ODAD3: variants seen among roughly 807,000 people sequenced by gnomAD.
The protein encoded by ODAD3 is outer dynein arm-docking complex subunit 3.
In ODAD3, 57 loss-of-function variants were observed where a neutral mutation model predicts 70.9. The observed-to-expected ratio is 0.80, with a 90% CI of 0.65 to 1.00. ODAD3 has a LOEUF of 1.00. Ranked by LOEUF, ODAD3 falls within the 50% of genes least tolerant of loss-of-function variation. The pLI, the probability that ODAD3 is intolerant of heterozygous loss-of-function variation, is 0.00. For synonymous variants in ODAD3, 327 were observed against 315.9 expected, an observed-to-expected ratio of 1.04 and a Z score of -0.37; for missense variants, 797 against 763.9, an observed-to-expected ratio of 1.04 and a Z score of -0.51.
chr19:11,422,785 G>C lies in ODAD3; in HGVS notation c.1193C>G (p.Thr398Arg). Residue 398 changes from threonine (T) to arginine (R), a missense_variant, in exon 9 of 13, where the codon ACG becomes AGG. Thr to Arg is a moderately conservative substitution (Grantham distance 71). Transcript: ENST00000356392. The surrounding 1 kb of genome is among the most constrained non-coding windows in gnomAD (Gnocchi z 4.6). ...CTTCTCCTGCTTCAGCCTCACCAAC[G>C]TCTGCTCGTTCTCGCTCTTGAGCGT... ...LETLKSENEQ[T>R]LVRLKQEKQQ... is the part of the protein sequence containing the mutation. The C allele has an allele frequency of 6.2e-7, 1 of 1,611,194 alleles. No homozygotes were observed. Among genetic ancestry groups the C allele is most frequent in the South Asian group, 1.1e-5 (1 of 91,090 alleles).
chr19:11,434,979 G>A lies in ODAD3; in HGVS notation c.38C>T (p.Ala13Val). The change falls in exon 1 of 13, where the codon GCC becomes GTC. Residue 13 changes from alanine to valine, a missense_variant. Physicochemically the swap from Ala to Val is moderately conservative, Grantham distance 64. Transcript: ENST00000356392. ...SPLCRAASAN[A>V]LPPQDQASTP... is the part of the protein sequence containing the mutation. ...CGAAGCCTGGTCCTGAGGAGGCAGG[G>A]CGTTGGCGGAGGCCGCCCTGCACAG... 2 of 1,613,278 alleles carry A rather than the reference G, an allele frequency of 1.2e-6. No homozygotes were observed. Among genetic ancestry groups the A allele is most frequent in the Non-Finnish European group, 1.7e-6 (2 of 1,180,028 alleles).
chr19:11,423,860 C>T lies in ODAD3; in HGVS notation c.1116+17G>A, dbSNP rs747271424. 4 of 1,593,248 alleles carry T rather than the reference C, an allele frequency of 2.5e-6. No individual in the cohort carries two copies. In the South Asian group the frequency reaches 3.3e-5, roughly 13 times the overall value. ...TGGGGGGGGGGCGCGGCGGAGAGGGCTGCGGGCAGAACTCACGTGCGTCTC... is the reference window on the plus strand; with the variant it reads ...TGGGGGGGGGGCGCGGCGGAGAGGGTTGCGGGCAGAACTCACGTGCGTCTC... On this transcript the variant is annotated intron_variant, in intron 8 of 12. Coordinates refer to ENST00000356392, the MANE Select transcript of ODAD3 (RefSeq NM_145045.5).
chr19:11,422,828 T>A lies in ODAD3; in HGVS notation c.1150A>T (p.Thr384Ser). ...TTGAGCGTCTCCAACTGCGCGAAGGTGTCGCCCTGGGCCAGGAACCGCCGC... is the reference window on the plus strand; with the variant it reads ...TTGAGCGTCTCCAACTGCGCGAAGGAGTCGCCCTGGGCCAGGAACCGCCGC... ...LVRRFLAQGDTFAQLETLKSE... is the reference protein window; with the variant it reads ...LVRRFLAQGDSFAQLETLKSE... Residue 384 changes from threonine (T) to serine (S), a missense_variant, in exon 9 of 13, where the codon ACC (threonine) becomes TCC (serine). Thr to Ser is a moderately conservative substitution (Grantham distance 58). Transcript: ENST00000356392. The surrounding 1 kb of genome is among the most constrained non-coding windows in gnomAD (Gnocchi z 4.6). The A allele has an allele frequency of 6.2e-7, 1 of 1,606,576 alleles. No homozygotes were observed. Among genetic ancestry groups the A allele is most frequent in the African/African-American group, 1.3e-5 (1 of 75,052 alleles).
chr19:11,425,337 A>G (rs911302904), intron 7 of ODAD3, among the ~76,000 whole-genome samples: 8 of 127,836 alleles, frequency 6.3e-5, no homozygotes, highest in Non-Finnish European at 1.1e-4. Context: ...ACATATGTGT[A>G]TATATGTATA....
At chr19:11,425,157 ATACATATGTGTATATG>A (rs1475876316) in intron 7 of ODAD3, among the ~76,000 whole-genome samples, 8 of 122,294 alleles carry the variant, frequency 6.5e-5, no homozygotes, top group East Asian at 4.9e-4. Context: ...ATATGTATAT[ATACATATGTGTATATG>A]TACATATGTG....
At chr19:11,425,195 A>ATGTGTATATATG in intron 7 of ODAD3, among the ~76,000 whole-genome samples, 1 of 130,014 alleles carries the variant, frequency 7.7e-6, no homozygotes, top group Non-Finnish European at 1.5e-5. Context: ...ATATATACAT[A>ATGTGTATATATG]TGTGTATGTG....
rs563831260 is a variant in ODAD3, at chr19:11,431,364, G to A, written c.245-344C>T. The A allele has an allele frequency of 1.5e-4, 41 of 265,452 alleles. No homozygotes were observed. In the South Asian group the frequency reaches 1.6e-3, roughly 10 times the overall value. 16.4% of individuals were successfully genotyped at this position (265,452 alleles called of 1,614,324 possible). On this transcript the variant is annotated intron_variant, in intron 1 of 12. Transcript: ENST00000356392. ...GACCTCAGGTGTTCCCAAAGTTCTA[G>A]GCCCCCTAAAGTCCTAGGATTATAG...
intron 1 of ODAD3, chr19:11,434,339 G>C (rs1969592759): frequency 6.5e-6 from 1 of 153,502 alleles, no homozygotes. Flanking sequence ...AAGAGATTGA[G>C]ACCACCCTGG....
chr19:11,430,961 TCTC>T lies in ODAD3; in HGVS notation c.301_303del (p.Glu101del). The stretch of plus-strand genomic sequence containing the variant: ...GTCTCCTTGCGGAGCTGACTGATGG[TCTC>T]CTGGTTCTTCTTGATGTTCCACTGA... On this transcript the variant is annotated inframe_deletion, in exon 2 of 13. Transcript: ENST00000356392. The T allele has an allele frequency of 6.2e-7, 1 of 1,613,988 alleles. No homozygotes were observed. Among genetic ancestry groups the T allele is most frequent in the Non-Finnish European group, 8.5e-7 (1 of 1,180,006 alleles).
chr19:11,430,810 T>C (rs1969487167), intron 2 of ODAD3, 34 bp from the exon 3 acceptor site: 1 of 1,613,936 alleles, frequency 6.2e-7, no homozygotes, highest in African/African-American at 1.3e-5. Context: ...CCTTTCAGCA[T>C]GCCACCTCCA....
At chr19:11,421,956 T>G in intron 10 of ODAD3, 124 bp from the exon 11 acceptor site, 1 of 1,065,526 alleles carries the variant, frequency 9.4e-7, no homozygotes, top group Middle Eastern at 3.2e-4. Context: ...GCAGGGTCGA[T>G]CCTAGCCATT....
At chr19:11,435,261 A>C, upstream of ODAD3, 1 of 1,306,860 alleles carries the variant, frequency 7.7e-7, no homozygotes, top group Non-Finnish European at 1.0e-6. Flanking sequence ...GGCTGCATAG[A>C]GGGGCGGTCC....
rs772655049 is a variant in ODAD3, at chr19:11,420,824, T to C, written c.*11A>G. ...TCCGAAGGGGGCCGCCTGGTGGGTGTCAGGACGAGTCTAGGACCTCCGAGA... is the reference window on the plus strand; with the variant it reads ...TCCGAAGGGGGCCGCCTGGTGGGTGCCAGGACGAGTCTAGGACCTCCGAGA... On this transcript the variant is annotated 3_prime_UTR_variant, in exon 13 of 13. Transcript: ENST00000356392. 6.2e-7 allele frequency: 1 copy of C among 1,610,610 alleles called. No homozygotes were observed. The highest frequency in any genetic ancestry group is 1.1e-5 in the South Asian group (1 of 91,010).
chr19:11,426,183 G>A lies in ODAD3; in HGVS notation c.924C>T (p.Ala308=), dbSNP rs769419628. The part of the protein sequence containing the change: ...ERYISECKKR[A]EEKKLENERM... ...GCTCGTTCTCCAGTTTCTTCTCCTC[G>A]GCGCGCTTCTTGCACTCACTTATGT... The change falls in exon 7 of 13, where the codon GCC becomes GCT. Residue 308 remains alanine, a synonymous_variant. Coordinates refer to ENST00000356392, the MANE Select transcript of ODAD3 (RefSeq NM_145045.5). 8 of 1,612,934 alleles carry A rather than the reference G, an allele frequency of 5.0e-6. No homozygotes were observed. Among genetic ancestry groups the A allele is most frequent in the Middle Eastern group, 1.6e-4 (1 of 6,082 alleles).
At position 11,430,741 on chromosome 19, in the gene ODAD3, T is replaced by G. The variant is rs1969485177; in HGVS notation, c.402A>C (p.Glu134Asp). ...TCAGGTATGGCTTCTCCCACTTCCATTCGCGAATCACTGCCTGGACCACTT... is the reference window on the plus strand; with the variant it reads ...TCAGGTATGGCTTCTCCCACTTCCAGTCGCGAATCACTGCCTGGACCACTT... The part of the protein sequence containing the change: ...DEKVVQAVIR[E>D]WKWEKPYLKN... The change falls in exon 3 of 13, where the codon GAA becomes GAC. Residue 134 changes from glutamate to aspartate, a missense_variant. By Grantham distance (45) the Glu-to-Asp change is conservative. Coordinates refer to ENST00000356392, the MANE Select transcript of ODAD3 (RefSeq NM_145045.5). The G allele has an allele frequency of 1.9e-6, 3 of 1,613,882 alleles. No homozygotes were observed. The highest frequency in any genetic ancestry group is 2.5e-6 in the Non-Finnish European group (3 of 1,179,990).
intron 7 of ODAD3, among the ~76,000 whole-genome samples, chr19:11,425,251 GTATA>G (rs1459660241): frequency 5.0e-5 from 7 of 139,782 alleles, no homozygotes; most frequent in African/African-American, 1.7e-4. Flanking sequence ...GTGTATATAT[GTATA>G]TGTACATATG....
chr19:11,430,619 G>T, intron 3 of ODAD3, 80 bp downstream of exon 3: 1 of 1,308,748 alleles, frequency 7.6e-7, no homozygotes, highest in Non-Finnish European at 1.1e-6. Context: ...AGGAAGGATT[G>T]GAGAGGGTGA....
upstream of ODAD3, chr19:11,435,370 C>T (rs1421304604): frequency 1.3e-5 from 6 of 462,828 alleles, no homozygotes; most frequent in African/African-American, 1.2e-4. Context: ...AACCTTATCC[C>T]GCCCCTGGGG....
chr19:11,420,703 C>A lies in ODAD3; in HGVS notation c.*132G>T, dbSNP rs1197879666. 1.6e-5 allele frequency: 11 copies of A among 697,840 alleles called. No individual in the cohort carries two copies. Among genetic ancestry groups the A allele is most frequent in the Non-Finnish European group, 2.7e-5 (11 of 407,878 alleles). 43.2% of individuals were successfully genotyped at this position (697,840 alleles called of 1,614,324 possible). A position where few individuals can be genotyped will look rare whatever the true frequency, so the allele number is the denominator to read the frequency against. On this transcript the variant is annotated 3_prime_UTR_variant, in exon 13 of 13. Coordinates refer to ENST00000356392, the MANE Select transcript of ODAD3 (RefSeq NM_145045.5). ...TCTGGCCCGGCCCCTTCCTCCCCTCCGGGCGCCGCTGGCCGCCTCCGTTCC... is the reference window on the plus strand; with the variant it reads ...TCTGGCCCGGCCCCTTCCTCCCCTCAGGGCGCCGCTGGCCGCCTCCGTTCC...
Sources: allele counts gnomAD v4.1 joint callset (sites outside exome capture counted in the v4.1 genomes callset), GRCh38; gene constraint gnomAD v4.1.1; non-coding constraint Gnocchi (gnomAD v3.1); transcripts MANE v1.5; gene names NCBI Gene and HGNC (gene_info 2026-07-23, HGNC 2026-07-21).